LRBA: variants seen among roughly 807,000 people sequenced by gnomAD.
LRBA encodes LPS responsive beige-like anchor protein, also known as lipopolysaccharide-responsive and beige-like anchor protein.
A neutral mutation model predicts 330.0 loss-of-function variants in LRBA; 176 were observed. That is an observed-to-expected ratio of 0.53 (90% CI 0.47 to 0.60). LRBA has a LOEUF of 0.60. LRBA is among the 20% of genes least tolerant of loss of function. The probability of loss-of-function intolerance (pLI) is 0.00; values close to 1 mark genes in which losing one functional copy is unlikely to be tolerated. For synonymous variants in LRBA, 1,230 were observed against 1,193.0 expected (o/e 1.03, Z -0.64); for missense variants, 3,259 against 3,444.8 (o/e 0.95, Z 1.35).
chr4:150,758,446 G>T (rs1734607332), intron 35 of LRBA, among the ~76,000 whole-genome samples: 2 of 152,040 alleles, frequency 1.3e-5, no homozygotes, highest in Admixed American at 1.3e-4. Flanking sequence ...ATCCTGTCAG[G>T]TCTTATCTTC....
chr4:150,323,571 C>T (rs1732842382), intron 49 of LRBA, among the ~76,000 whole-genome samples: 1 of 152,236 alleles, frequency 6.6e-6, no homozygotes, highest in African/African-American at 2.4e-5. Context: ...CCACCTTCCA[C>T]AGCAAGCTGC....
At chr4:150,652,381 G>A (rs2126774024) in intron 37 of LRBA, among the ~76,000 whole-genome samples, 1 of 151,960 alleles carries the variant, frequency 6.6e-6, no homozygotes, top group South Asian at 2.1e-4. Context: ...TCTATTTGTT[G>A]CAGAAACTAA....
chr4:150,352,229 A>T (rs1466924797), intron 47 of LRBA, among the ~76,000 whole-genome samples: 1 of 152,250 alleles, frequency 6.6e-6, no homozygotes, highest in Non-Finnish European at 1.5e-5. Context: ...ATAGCAAGTA[A>T]CCAATGAGAC....
chr4:150,770,596 CACACACACACACAAACACATAT>C, intron 34 of LRBA, among the ~76,000 whole-genome samples: 1 of 151,796 alleles, frequency 6.6e-6, no homozygotes, highest in East Asian at 1.9e-4. Context: ...TACACACACA[CACACACACACACAAACACATAT>C]ACACACACAA....
intron 37 of LRBA, among the ~76,000 whole-genome samples, chr4:150,674,569 T>TA (rs1386005291): frequency 6.6e-6 from 1 of 151,936 alleles, no homozygotes; most frequent in Non-Finnish European, 1.5e-5. Flanking sequence ...CACTCAAAAA[T>TA]AAAAATTAAA....
At position 150,851,949 on chromosome 4, in the gene LRBA, T is replaced by C; in HGVS notation, c.3761A>G (p.Glu1254Gly). The C allele has an allele frequency of 6.2e-7, 1 of 1,614,152 alleles. No homozygotes were observed. The highest frequency in any genetic ancestry group is 8.5e-7 in the Non-Finnish European group (1 of 1,179,992). Residue 1254 changes from glutamate to glycine, a missense_variant, in exon 23 of 57, where the codon GAG becomes GGG. Transcript: ENST00000651943. The stretch of plus-strand genomic sequence containing the variant: ...GGGACTGGCCTTCAACTCCAGCCTC[T>C]CAGTATCTGTAGCAACATTGGAAAC... ...LDVSNVATDT[E>G]RLELKASPNV...
At chr4:150,659,859 T>TCAG (rs1451349676) in intron 37 of LRBA, among the ~76,000 whole-genome samples, 15 of 60,050 alleles carry the variant, frequency 2.5e-4, no homozygotes, top group African/African-American at 6.8e-4. Context: ...GGTGGGGGGG[T>TCAG]CAGCCCCCCC....
intron 20 of LRBA, among the ~76,000 whole-genome samples, chr4:150,870,026 T>G (rs1183490518): frequency 6.6e-6 from 1 of 152,104 alleles, no homozygotes; most frequent in Non-Finnish European, 1.5e-5. Context: ...AACTAATAAT[T>G]TTAATAACAT....
At position 150,428,492 on chromosome 4, in the gene LRBA, G is replaced by T. The variant is rs571633709; in HGVS notation, c.7041+7097C>A. On this transcript the variant is annotated intron_variant, in intron 46 of 56. Transcript: ENST00000651943. The stretch of plus-strand genomic sequence containing the variant: ...TGTTAGTAGTCCCACTTCATATCAG[G>T]CATATATCCATTTGAGTTTGGCTGT... Among the ~76,000 whole-genome samples the T allele has an allele frequency of 1.2e-4, 19 of 152,120 alleles. No homozygotes were observed. The East Asian group carries it at 3.5e-3, about 28-fold the overall frequency.
rs549207994 is a variant in LRBA, at chr4:150,743,922, G to T, written c.5646-8556C>A. On this transcript the variant is annotated intron_variant, in intron 35 of 56. Transcript: ENST00000651943. Reference sequence around the variant, plus strand: ...TTCTGCCATTCTATCACTTTGTTTCGATCTCTATTAGGCTCACATACACTA... The same window carrying T: ...TTCTGCCATTCTATCACTTTGTTTCTATCTCTATTAGGCTCACATACACTA... Among the ~76,000 whole-genome samples, 9 of 152,242 alleles carry T rather than the reference G, an allele frequency of 5.9e-5. No homozygotes were observed. In the East Asian group the frequency reaches 1.7e-3, roughly 29 times the overall value.
chr4:150,589,039 A>G lies in LRBA; in HGVS notation c.6194-855T>C, dbSNP rs1772475765. Among the ~76,000 whole-genome samples, 3 of 121,032 alleles carry G rather than the reference A, an allele frequency of 2.5e-5. No homozygotes were observed. In the South Asian group the frequency reaches 7.0e-4, roughly 28 times the overall value. 79.4% of individuals were successfully genotyped at this position (121,032 alleles called of 152,430 possible). A position where few individuals can be genotyped will look rare whatever the true frequency, so the allele number is the denominator to read the frequency against. Reference sequence around the variant, plus strand: ...ATATGTCTGTTATGTCTGTGTGTGTATACACACACACACACACACACACAC... The same window carrying G: ...ATATGTCTGTTATGTCTGTGTGTGTGTACACACACACACACACACACACAC... On this transcript the variant is annotated intron_variant, in intron 39 of 56. Coordinates refer to ENST00000651943, the MANE Select transcript of LRBA (RefSeq NM_001364905.1).
intron 55 of LRBA, among the ~76,000 whole-genome samples, chr4:150,279,303 T>G (rs1747209813): frequency 1.3e-5 from 2 of 152,186 alleles, no homozygotes; most frequent in Non-Finnish European, 2.9e-5. Context: ...AAGCCAATCC[T>G]ATTACCCCTT....
intron 5 of LRBA, among the ~76,000 whole-genome samples, chr4:150,918,917 G>T (rs1409246684): frequency 6.6e-6 from 1 of 152,088 alleles, no homozygotes; most frequent in Non-Finnish European, 1.5e-5. Flanking sequence ...TAGAGATTGG[G>T]ACAAATTAAA....
chr4:150,918,235 C>G (rs988407286), intron 5 of LRBA, among the ~76,000 whole-genome samples: 18 of 151,908 alleles, frequency 1.2e-4, no homozygotes, highest in African/African-American at 4.4e-4. Context: ...GACTTGTAAC[C>G]AAAATATATA....
intron 48 of LRBA, among the ~76,000 whole-genome samples, chr4:150,349,323 T>C (rs1736827835): frequency 6.6e-6 from 1 of 152,116 alleles, no homozygotes. Flanking sequence ...TGTTCTAAAA[T>C]TGTACAGATT....
chr4:150,662,412 A>T (rs1781201230), intron 37 of LRBA, among the ~76,000 whole-genome samples: 1 of 152,124 alleles, frequency 6.6e-6, no homozygotes, highest in African/African-American at 2.4e-5. Flanking sequence ...CCCAAAGCAC[A>T]CCCTTGTTAG....
intron 28 of LRBA, among the ~76,000 whole-genome samples, chr4:150,841,934 G>T (rs1168808048): frequency 6.6e-6 from 1 of 152,110 alleles, no homozygotes; most frequent in Admixed American, 6.6e-5. Context: ...GGGATTACAG[G>T]TGTGAGCCAC....
chr4:150,831,525 T>A (rs1276044239), intron 29 of LRBA, among the ~76,000 whole-genome samples: 1 of 152,214 alleles, frequency 6.6e-6, no homozygotes. Context: ...TCTTAGAATA[T>A]GAGTTAGTGA....
intron 47 of LRBA, among the ~76,000 whole-genome samples, chr4:150,391,212 AC>A (rs1743874888): frequency 6.6e-6 from 1 of 152,138 alleles, no homozygotes; most frequent in Admixed American, 6.5e-5. Context: ...AGAACAGCAA[AC>A]CCTGAATGAT....
Sources: gnomAD v4.1 joint callset for allele counts (sites outside exome capture counted in the v4.1 genomes callset) on GRCh38, gnomAD v4.1.1 for gene constraint, MANE v1.5 for transcripts, NCBI Gene and HGNC (gene_info 2026-07-23, HGNC 2026-07-21) for gene names.